The following AMBRA1 variants were observed in gnomAD, a reference collection of about 807,000 sequenced individuals.
The protein encoded by AMBRA1 is autophagy and beclin 1 regulator 1.
In AMBRA1, 47 loss-of-function variants were observed where a neutral mutation model predicts 125.4. The ratio of observed to expected loss-of-function variants is 0.37; its 90% CI spans 0.30 to 0.48. The LOEUF (loss-of-function observed/expected upper bound fraction) is 0.48, where lower values mean the gene tolerates loss of function less well. Among genes scored for constraint, AMBRA1 ranks in the 20% least tolerant of loss-of-function variants. The pLI is 0.99. For missense variants in AMBRA1, 1,331 were observed against 1,693.4 expected (o/e 0.79, Z 3.76); for synonymous variants, 626 against 655.5 (o/e 0.95, Z 0.69).
intron 14 of AMBRA1, among the ~76,000 whole-genome samples, chr11:46,426,963 G>C (rs530169644): frequency 1.5e-3 from 225 of 152,264 alleles, no homozygotes; most frequent in African/African-American, 5.2e-3. Context: ...ACAAGATTAA[G>C]AAAAGGCTCA....
intron 9 of AMBRA1, chr11:46,495,034 T>C (rs1950584459): frequency 6.6e-6 from 1 of 152,174 alleles, no homozygotes; most frequent in African/African-American, 2.4e-5. Context: ...AACTAGTAAG[T>C]GGTTAAGGCA....
chr11:46,490,274 A>C (rs1045375207), intron 11 of AMBRA1, among the ~76,000 whole-genome samples: 1 of 152,206 alleles, frequency 6.6e-6, no homozygotes, highest in African/African-American at 2.4e-5. Context: ...TGTGTTGCTG[A>C]TGATGATGGG....
chr11:46,460,826 T>A (rs1010968012), intron 11 of AMBRA1, among the ~76,000 whole-genome samples: 8 of 152,228 alleles, frequency 5.3e-5, no homozygotes, highest in Middle Eastern at 3.4e-3. Context: ...GTGGCTCACA[T>A]CTGTAATCCC....
At chr11:46,583,672 A>G (rs201687485) in intron 1 of AMBRA1, among the ~76,000 whole-genome samples, 1 of 146,432 alleles carries the variant, frequency 6.8e-6, no homozygotes, top group Non-Finnish European at 1.5e-5. Flanking sequence ...AAAAAAAAAA[A>G]AAAAAAACAA....
intron 14 of AMBRA1, among the ~76,000 whole-genome samples, chr11:46,431,542 T>C (rs1947456457): frequency 1.3e-5 from 2 of 152,238 alleles, no homozygotes; most frequent in Non-Finnish European, 2.9e-5. Flanking sequence ...TGTGCTAAGA[T>C]GGAGAACTGG....
At position 46,542,380 on chromosome 11, in the gene AMBRA1, G is replaced by C; in HGVS notation, c.1637C>G (p.Ser546Cys). The change falls in exon 7 of 18, where the codon TCC becomes TGC. Residue 546 changes from serine (S) to cysteine (C), a missense_variant. Around this residue, in one of 4 missense-constraint regions of AMBRA1, gnomAD observed 689 missense variants for 776.5 expected, o/e 0.89. Coordinates refer to ENST00000683756, the MANE Select transcript of AMBRA1 (RefSeq NM_001387011.1). The surrounding 1 kb of genome is among the most constrained non-coding windows in gnomAD (Gnocchi z 5.9). ...NNIESERPGP[S>C]HQPTPHSSEN... ...ACTGCTGTGTGGGGTGGGCTGGTGG[G>C]AAGGGCCTGGCCTCTCAGATTCAAT... is the stretch of plus-strand genomic sequence containing the variant. 6.2e-7 allele frequency: 1 copy of C among 1,614,108 alleles called. No individual in the cohort carries two copies. Among genetic ancestry groups the C allele is most frequent in the Non-Finnish European group, 8.5e-7 (1 of 1,180,026 alleles).
intron 1 of AMBRA1, among the ~76,000 whole-genome samples, chr11:46,559,385 T>C (rs781619713): frequency 1.3e-5 from 2 of 151,980 alleles, no homozygotes; most frequent in African/African-American, 4.8e-5. Context: ...ATTACGCACA[T>C]GTCATTGATC....
In AMBRA1 at chr11:46,542,286, G is replaced by A; in HGVS notation, c.1731C>T (p.Phe577=). 3 of 1,614,120 alleles carry A rather than the reference G, an allele frequency of 1.9e-6. No individual in the cohort carries two copies. Among genetic ancestry groups the A allele is most frequent in the Non-Finnish European group, 2.5e-6 (3 of 1,180,038 alleles). Residue 577 remains phenylalanine (F), a synonymous_variant, in exon 7 of 18, where the codon TTC becomes TTT. Transcript: ENST00000683756. The surrounding 1 kb of genome is among the most constrained non-coding windows in gnomAD (Gnocchi z 5.9). ...RCRACHNLLT[F]NNDTLRWERT... ...TTTCCCAGCGCAGGGTATCGTTGTT[G>A]AAGGTCAGGAGATTGTGGCAAGCAC... is the stretch of plus-strand genomic sequence containing the variant.
At chr11:46,516,789 G>A (rs1443932245) in intron 7 of AMBRA1, among the ~76,000 whole-genome samples, 1 of 152,038 alleles carries the variant, frequency 6.6e-6, no homozygotes, top group East Asian at 1.9e-4. Flanking sequence ...ACGGGAAATG[G>A]TAGGAGAAAA....
chr11:46,530,922 A>G (rs1422358516), intron 7 of AMBRA1, among the ~76,000 whole-genome samples: 1 of 152,186 alleles, frequency 6.6e-6, no homozygotes, highest in Non-Finnish European at 1.5e-5. Flanking sequence ...CTCGCTCTGT[A>G]GCCCAGGCTG....
intron 11 of AMBRA1, among the ~76,000 whole-genome samples, chr11:46,467,589 C>T (rs1949385508): frequency 6.8e-6 from 1 of 147,684 alleles, no homozygotes; most frequent in Non-Finnish European, 1.5e-5. Flanking sequence ...CACTCTGTTG[C>T]CCAGGCTAGA....
chr11:46,469,817 A>G (rs1949499839), intron 11 of AMBRA1, among the ~76,000 whole-genome samples: 2 of 146,612 alleles, frequency 1.4e-5, no homozygotes, highest in Non-Finnish European at 3.0e-5. Context: ...GGCCCAAACT[A>G]CCATGCCCAG....
chr11:46,527,986 T>C (rs1952051742), intron 7 of AMBRA1, among the ~76,000 whole-genome samples: 1 of 152,158 alleles, frequency 6.6e-6, no homozygotes, highest in African/African-American at 2.4e-5. Context: ...AAACAGGATC[T>C]TGAAGAGATA....
chr11:46,518,342 A>G, intron 7 of AMBRA1: 1 of 185,464 alleles, frequency 5.4e-6, no homozygotes, highest in Non-Finnish European at 1.2e-5. Context: ...AGGCAGGAGA[A>G]TGGCATGAAC....
Position 46,418,463 on chromosome 11 carries a change from C to T in AMBRA1, c.2977-411G>A, listed in dbSNP as rs1251282199. ...ATGTGCACAACGTGCAGGTTTGTTA[C>T]ATATGTATACACGTGCCACGTTGGT... On this transcript the variant is annotated intron_variant, in intron 14 of 17. Transcript: ENST00000683756. Among the ~76,000 whole-genome samples the T allele has an allele frequency of 5.3e-5, 8 of 150,464 alleles. No homozygotes were observed. In the East Asian group the frequency reaches 1.2e-3, roughly 22 times the overall value.
intron 1 of AMBRA1, among the ~76,000 whole-genome samples, chr11:46,571,412 A>T (rs1369622002): frequency 2.6e-5 from 4 of 152,168 alleles, no homozygotes; most frequent in Non-Finnish European, 5.9e-5. Flanking sequence ...ACAGTGGTTC[A>T]CTTCTGTAAT....
Position 46,443,540 on chromosome 11 carries a change from G to A in AMBRA1, c.2580C>T (p.Tyr860=). The change falls in exon 12 of 18, where the codon TAC becomes TAT. Residue 860 remains tyrosine (Y), a synonymous_variant. Coordinates refer to ENST00000683756, the MANE Select transcript of AMBRA1 (RefSeq NM_001387011.1). ...AVASNIANTT[Y]RLQWWDFTKF... is the part of the protein sequence containing the mutation. The stretch of plus-strand genomic sequence containing the variant: ...TAGTGAAGTCCCACCACTGGAGCCG[G>A]TAGGTAGTATTGGCAATGTTACTGG... The A allele has an allele frequency of 6.2e-7, 1 of 1,614,186 alleles. No individual in the cohort carries two copies. The highest frequency in any genetic ancestry group is 8.5e-7 in the Non-Finnish European group (1 of 1,180,024).
intron 11 of AMBRA1, among the ~76,000 whole-genome samples, chr11:46,482,796 G>T (rs1048292380): frequency 1.3e-5 from 2 of 151,900 alleles, no homozygotes; most frequent in Non-Finnish European, 2.9e-5. Flanking sequence ...AGATCATAAG[G>T]TCAGGAGTTT....
At chr11:46,436,637 CAAAACAAAAACA>C (rs143090334) in intron 12 of AMBRA1, among the ~76,000 whole-genome samples, 316 of 151,992 alleles carry the variant, frequency 2.1e-3, no homozygotes, top group Middle Eastern at 6.8e-3. Context: ...AGCCCTTTGC[CAAAACAAAAACA>C]AAAACAAAAA....
Sources: allele counts gnomAD v4.1 joint callset (sites outside exome capture counted in the v4.1 genomes callset), GRCh38; gene constraint gnomAD v4.1.1; regional missense constraint gnomAD v4.1.1; non-coding constraint Gnocchi (gnomAD v3.1); transcripts MANE v1.5; gene names NCBI Gene and HGNC (gene_info 2026-07-23, HGNC 2026-07-21).